IQCM: variants seen among roughly 807,000 people sequenced by gnomAD.
The protein encoded by IQCM is IQ domain-containing protein M.
Under a neutral mutation model 57.6 loss-of-function variants are expected in IQCM, and 45 were observed. The observed-to-expected ratio is 0.78, with a 90% CI of 0.62 to 1.00. The LOEUF is 1.00. Among genes scored for constraint, IQCM ranks in the 50% least tolerant of loss-of-function variants. The probability of loss-of-function intolerance (pLI) is 0.00; values close to 1 mark genes in which losing one functional copy is unlikely to be tolerated. For synonymous variants in IQCM, 148 were observed against 158.9 expected, an observed-to-expected ratio of 0.93 and a Z score of 0.51; for missense variants, 468 against 511.6, an observed-to-expected ratio of 0.91 and a Z score of 0.82.
At chr4:149,609,291 T>C (rs1266598298) in intron 8 of IQCM, among the ~76,000 whole-genome samples, 2 of 151,874 alleles carry the variant, frequency 1.3e-5, no homozygotes, top group Non-Finnish European at 2.9e-5. Flanking sequence ...ATGGCTTCAC[T>C]GTTGTATTCT....
chr4:149,589,657 G>T (rs1363078733), intron 8 of IQCM, among the ~76,000 whole-genome samples: 8 of 151,954 alleles, frequency 5.3e-5, no homozygotes, highest in African/African-American at 1.9e-4. Flanking sequence ...CTTTCTTCGG[G>T]AACACAACAA....
At chr4:149,416,150 A>C (rs1394267693) in intron 13 of IQCM, among the ~76,000 whole-genome samples, 2 of 152,086 alleles carry the variant, frequency 1.3e-5, no homozygotes, top group African/African-American at 4.8e-5. Flanking sequence ...ACCAACCCAG[A>C]CAGATTTTTC....
At chr4:149,715,963 G>A (rs943520404) in intron 5 of IQCM, among the ~76,000 whole-genome samples, 13 of 152,174 alleles carry the variant, frequency 8.5e-5, no homozygotes, top group African/African-American at 3.1e-4. Flanking sequence ...TTACTGATTG[G>A]TCTATGGGTG....
At position 149,381,288 on chromosome 4, in the gene IQCM, C is replaced by G. The variant is rs536254885; in HGVS notation, c.1391-29222G>C. Among the ~76,000 whole-genome samples the G allele has an allele frequency of 3.3e-5, 5 of 152,080 alleles. No individual in the cohort carries two copies. The South Asian group carries it at 1.0e-3, about 32-fold the overall frequency. ...CAATAACCCTTTGTAGTCCCTGTTTCTGCCTCCTCTTCTCCCTTCAGTCTA... is the reference window on the plus strand; with the variant it reads ...CAATAACCCTTTGTAGTCCCTGTTTGTGCCTCCTCTTCTCCCTTCAGTCTA... On this transcript the variant is annotated intron_variant, in intron 13 of 13. Coordinates refer to ENST00000636793, the MANE Select transcript of IQCM (RefSeq NM_001363507.2).
intron 12 of IQCM, among the ~76,000 whole-genome samples, chr4:149,468,163 G>T (rs1739072655): frequency 6.6e-6 from 1 of 152,026 alleles, no homozygotes; most frequent in South Asian, 2.1e-4. Flanking sequence ...TGCAGCCCAT[G>T]GAGCTGGGCG....
At chr4:149,625,775 C>A (rs539657793) in intron 7 of IQCM, among the ~76,000 whole-genome samples, 1 of 152,234 alleles carries the variant, frequency 6.6e-6, no homozygotes, top group South Asian at 2.1e-4. Flanking sequence ...GAGAGGGCTT[C>A]CTGCTTCTAC....
At chr4:149,421,078 AT>A (rs1190506918) in intron 13 of IQCM, among the ~76,000 whole-genome samples, 2 of 151,938 alleles carry the variant, frequency 1.3e-5, no homozygotes, top group Non-Finnish European at 2.9e-5. Context: ...TTCTCTGCAT[AT>A]TTTTAAATTC....
intron 5 of IQCM, among the ~76,000 whole-genome samples, chr4:149,729,272 G>C (rs1475140198): frequency 1.3e-5 from 2 of 152,110 alleles, no homozygotes; most frequent in Admixed American, 6.5e-5. Flanking sequence ...CCTCCTTGGA[G>C]GTTGTACGGC....
chr4:149,439,141 A>T (rs546496919), intron 12 of IQCM, among the ~76,000 whole-genome samples: 2 of 152,188 alleles, frequency 1.3e-5, no homozygotes, highest in South Asian at 4.1e-4. Flanking sequence ...GTTGATACAT[A>T]CCTTTATAAA....
chr4:149,737,327 T>C (rs1368449637), intron 3 of IQCM, among the ~76,000 whole-genome samples: 1 of 152,198 alleles, frequency 6.6e-6, no homozygotes, highest in Non-Finnish European at 1.5e-5. Context: ...TCATTGTATG[T>C]ACATTTTACA....
chr4:149,803,164 G>A lies in IQCM; in HGVS notation c.-49+12147C>T, dbSNP rs574499474. Among the ~76,000 whole-genome samples, 39 of 151,922 alleles carry A rather than the reference G, an allele frequency of 2.6e-4. No individual in the cohort carries two copies. In the South Asian group the frequency reaches 6.9e-3, roughly 27 times the overall value. On this transcript the variant is annotated intron_variant, in intron 2 of 13. Coordinates refer to ENST00000636793, the MANE Select transcript of IQCM (RefSeq NM_001363507.2). ...TACTCTTGAATATTTGGTATGGAAC[G>A]TCATTAAAGCTTTCTGAGACATAGA...
chr4:149,494,242 A>G (rs974369492), intron 12 of IQCM, among the ~76,000 whole-genome samples: 6 of 152,112 alleles, frequency 3.9e-5, no homozygotes, highest in Admixed American at 6.6e-5. Context: ...ATGCAAAGTA[A>G]TCACTCTAAT....
chr4:149,371,370 T>C (rs1431297637), intron 13 of IQCM, among the ~76,000 whole-genome samples: 3 of 152,160 alleles, frequency 2.0e-5, no homozygotes, highest in Non-Finnish European at 4.4e-5. Context: ...CTCTCCAATG[T>C]AGTACTGAGG....
chr4:149,645,781 A>ACT (rs953506251), intron 7 of IQCM, among the ~76,000 whole-genome samples: 3 of 151,622 alleles, frequency 2.0e-5, no homozygotes, highest in African/African-American at 7.3e-5. Flanking sequence ...AAGACATCAC[A>ACT]CTCCAGACCT....
intron 9 of IQCM, among the ~76,000 whole-genome samples, chr4:149,572,648 A>C (rs893469083): frequency 1.3e-5 from 2 of 152,052 alleles, no homozygotes; most frequent in Non-Finnish European, 2.9e-5. Context: ...TTTTGTGAGA[A>C]CCACACAACC....
intron 12 of IQCM, among the ~76,000 whole-genome samples, chr4:149,462,620 C>T (rs189702474): frequency 1.8e-4 from 28 of 152,220 alleles, no homozygotes; most frequent in African/African-American, 6.7e-4. Flanking sequence ...TCCTATTTAC[C>T]TTACATGTGT....
At position 149,746,714 on chromosome 4, in the gene IQCM, C is replaced by G. The variant is rs1767970322; in HGVS notation, c.-48-3975G>C. On this transcript the variant is annotated intron_variant, in intron 2 of 13. Transcript: ENST00000636793. ...TCATTTACAAGGTAAAATTTTTGGG[C>G]AAGAAGATCTCTAAGACCCCATCAG... Among the ~76,000 whole-genome samples the G allele has an allele frequency of 2.6e-5, 4 of 152,142 alleles. No individual in the cohort carries two copies. The South Asian group carries it at 8.3e-4, about 32-fold the overall frequency.
chr4:149,738,299 C>A (rs1381019936), intron 3 of IQCM, among the ~76,000 whole-genome samples: 1 of 152,162 alleles, frequency 6.6e-6, no homozygotes, highest in Non-Finnish European at 1.5e-5. Flanking sequence ...CGCACGTTTC[C>A]CTGACACTTG....
At chr4:149,553,530 T>C (rs546669810) in intron 10 of IQCM, among the ~76,000 whole-genome samples, 2 of 152,324 alleles carry the variant, frequency 1.3e-5, no homozygotes, top group Admixed American at 1.3e-4. Context: ...CTTCCAATAT[T>C]GGCTTCTTTC....
Sources: allele counts gnomAD v4.1 joint callset (sites outside exome capture counted in the v4.1 genomes callset), GRCh38; gene constraint gnomAD v4.1.1; transcripts MANE v1.5; gene names NCBI Gene and HGNC (gene_info 2026-07-23, HGNC 2026-07-21).